COBL: variants seen among roughly 807,000 people sequenced by gnomAD.
The protein encoded by COBL is cordon-bleu WH2 repeat protein, also known as protein cordon-bleu.
In COBL, 51 loss-of-function variants were observed where a neutral mutation model predicts 98.8. The observed-to-expected ratio is 0.52, with a 90% CI of 0.41 to 0.65. COBL has a LOEUF of 0.65. Among genes scored for constraint, COBL ranks in the 30% least tolerant of loss-of-function variants. COBL has a pLI of 0.00. For missense variants in COBL, 1,617 were observed against 1,617.5 expected, an observed-to-expected ratio of 1.00 and a Z score of 0.01; for synonymous variants, 634 against 651.7, an observed-to-expected ratio of 0.97 and a Z score of 0.41.
At chr7:51,021,654 G>A (rs1484015480) in intron 12 of COBL, among the ~76,000 whole-genome samples, 1 of 152,128 alleles carries the variant, frequency 6.6e-6, no homozygotes, top group Non-Finnish European at 1.5e-5. Context: ...TCCAAAAGGT[G>A]AAATAAAACT....
chr7:51,088,348 C>CCT (rs1554379204), intron 6 of COBL, among the ~76,000 whole-genome samples: 10,530 of 150,998 alleles, frequency 0.07, 432 homozygotes, highest in Middle Eastern at 0.17. Flanking sequence ...ATTTCCCCCC[C>CCT]TCTTGGAAAT....
intron 7 of COBL, among the ~76,000 whole-genome samples, chr7:51,081,367 G>A (rs1793652410): frequency 6.6e-6 from 1 of 152,216 alleles, no homozygotes; most frequent in African/African-American, 2.4e-5. Context: ...AGGGCACAAG[G>A]AGGAAATGGA....
intron 2 of COBL, among the ~76,000 whole-genome samples, chr7:51,200,172 TG>T (rs1323109879): frequency 6.6e-6 from 1 of 152,144 alleles, no homozygotes; most frequent in East Asian, 1.9e-4. Context: ...CCAGAAAAAC[TG>T]TAGTTTAAGG....
chr7:51,137,611 G>A (rs910483011), intron 5 of COBL, among the ~76,000 whole-genome samples: 1 of 151,916 alleles, frequency 6.6e-6, no homozygotes, highest in Non-Finnish European at 1.5e-5. Context: ...GGAGTTCTTG[G>A]CACAAAGTAA....
intron 6 of COBL, among the ~76,000 whole-genome samples, chr7:51,111,050 C>A (rs1796777197): frequency 6.6e-6 from 1 of 152,148 alleles, no homozygotes; most frequent in Admixed American, 6.5e-5. Flanking sequence ...TGGGTAGATG[C>A]CCAGTAGTGG....
intron 2 of COBL, among the ~76,000 whole-genome samples, chr7:51,201,028 C>G (rs1300924846): frequency 6.6e-6 from 1 of 151,998 alleles, no homozygotes; most frequent in Non-Finnish European, 1.5e-5. Context: ...ATCACGATGT[C>G]AGGAGTTCGA....
intron 1 of COBL, among the ~76,000 whole-genome samples, chr7:51,289,168 T>G (rs1049198233): frequency 1.3e-5 from 2 of 152,048 alleles, no homozygotes; most frequent in African/African-American, 2.4e-5. Context: ...CTTTTTAAAT[T>G]GTTATTCTTT....
At chr7:51,025,414 C>A in intron 11 of COBL, 42 bp from the exon 12 acceptor site, 2 of 1,604,410 alleles carry the variant, frequency 1.2e-6, no homozygotes. Context: ...GAGTGAATGT[C>A]TCCCAAAATT....
chr7:51,120,088 T>C (rs4416783), intron 6 of COBL, among the ~76,000 whole-genome samples: 50,642 of 152,064 alleles, frequency 0.33, 8,851 homozygotes, highest in Non-Finnish European at 0.4. Flanking sequence ...AATCTTAATA[T>C]ATTGAAATAA....
At chr7:51,223,059 C>T (rs914411088) in intron 1 of COBL, among the ~76,000 whole-genome samples, 1 of 152,226 alleles carries the variant, frequency 6.6e-6, no homozygotes, top group Non-Finnish European at 1.5e-5. Flanking sequence ...GTGTGTACTC[C>T]ACCCTTCCCT....
chr7:51,171,422 T>C (rs1787865032), intron 5 of COBL, among the ~76,000 whole-genome samples: 1 of 152,164 alleles, frequency 6.6e-6, no homozygotes, highest in Non-Finnish European at 1.5e-5. Flanking sequence ...AGAACTTTTA[T>C]CCTTATATAC....
At chr7:51,163,020 G>C (rs886385312) in intron 5 of COBL, among the ~76,000 whole-genome samples, 2 of 152,210 alleles carry the variant, frequency 1.3e-5, no homozygotes, top group South Asian at 4.1e-4. Context: ...AGATGGATCA[G>C]TGTTACATTT....
intron 5 of COBL, among the ~76,000 whole-genome samples, chr7:51,147,852 A>G (rs556369705): frequency 2.7e-4 from 41 of 151,160 alleles, no homozygotes; most frequent in Non-Finnish European, 4.9e-4. Flanking sequence ...CCAGGTTCAC[A>G]CTAGTCTCCT....
chr7:51,190,512 CAAGA>C (rs1790000890), intron 4 of COBL, among the ~76,000 whole-genome samples: 1 of 152,136 alleles, frequency 6.6e-6, no homozygotes. Context: ...CACCAACCCA[CAAGA>C]AAGTATTATA....
chr7:51,018,628 C>A (rs1562795106), intron 12 of COBL, among the ~76,000 whole-genome samples: 1 of 151,802 alleles, frequency 6.6e-6, no homozygotes, highest in Admixed American at 6.6e-5. Flanking sequence ...CATAGTGGCT[C>A]ACACCTGAAA....
chr7:51,086,358 GAAAAAAAAAA>G (rs57609497), intron 6 of COBL, among the ~76,000 whole-genome samples: 50 of 74,826 alleles, frequency 6.7e-4, no homozygotes, highest in South Asian at 3.7e-3. Context: ...CTGTGTCTCA[GAAAAAAAAAA>G]AAAAAAAAAA....
chr7:51,049,796 C>G (rs1314402884), intron 7 of COBL, among the ~76,000 whole-genome samples: 1 of 152,142 alleles, frequency 6.6e-6, no homozygotes, highest in African/African-American at 2.4e-5. Context: ...TGTGCACACA[C>G]GGGTGTGCAA....
chr7:51,102,801 T>A (rs769505000), intron 6 of COBL, among the ~76,000 whole-genome samples: 1 of 152,230 alleles, frequency 6.6e-6, no homozygotes, highest in Non-Finnish European at 1.5e-5. Context: ...CCAAGGCCCA[T>A]GGGCAAATAA....
chr7:51,217,451 C>T (rs576098586), intron 2 of COBL, among the ~76,000 whole-genome samples: 1 of 150,398 alleles, frequency 6.6e-6, no homozygotes, highest in East Asian at 2.0e-4. Context: ...AAGTGATTCT[C>T]CTACCTCAGC....
Sources: gnomAD v4.1 joint callset for allele counts (sites outside exome capture counted in the v4.1 genomes callset) on GRCh38, gnomAD v4.1.1 for gene constraint, MANE v1.5 for transcripts, NCBI Gene and HGNC (gene_info 2026-07-23, HGNC 2026-07-21) for gene names.